The following RIMS2 variants were observed in gnomAD, a reference collection of about 807,000 sequenced individuals.
RIMS2 encodes the protein regulating synaptic membrane exocytosis 2, also known as regulating synaptic membrane exocytosis protein 2.
Under a neutral mutation model 174.4 loss-of-function variants are expected in RIMS2, and 59 were observed. The ratio of observed to expected loss-of-function variants is 0.34; its 90% confidence interval spans 0.27 to 0.42. The LOEUF is 0.42. Ranked by LOEUF, RIMS2 falls within the 10% of genes least tolerant of loss-of-function variation. The pLI is 1.00. For missense variants in RIMS2, 1,620 were observed against 1,666.3 expected (o/e 0.97, Z 0.48); for synonymous variants, 606 against 572.5 (o/e 1.06, Z -0.84).
chr8:103,850,050 A>G (rs1287492220), intron 3 of RIMS2, among the ~76,000 whole-genome samples: 3 of 152,048 alleles, frequency 2.0e-5, no homozygotes, highest in Non-Finnish European at 4.4e-5. Flanking sequence ...ATTCCATACT[A>G]GAAGGAAAAC....
At chr8:104,079,599 A>AT (rs1491533315) in intron 19 of RIMS2, among the ~76,000 whole-genome samples, 5 of 9,122 alleles carry the variant, frequency 5.5e-4, no homozygotes, top group African/African-American at 1.6e-3. Flanking sequence ...ATTAAGCATG[A>AT]TATATATATA....
chr8:104,102,563 A>G (rs950494535), intron 19 of RIMS2, among the ~76,000 whole-genome samples: 8 of 152,220 alleles, frequency 5.3e-5, no homozygotes, highest in Admixed American at 6.5e-5. Flanking sequence ...TCATACTGCT[A>G]TGAAGAAATA....
chr8:103,698,891 A>G lies in RIMS2; in HGVS notation c.387+1595A>G, dbSNP rs148268226. On this transcript the variant is annotated intron_variant, in intron 2 of 23. Coordinates refer to ENST00000504942, the Ensembl canonical transcript of RIMS2. ...ATTGGGATAATGCTGGCCTGATAAA[A>G]TGTGTTGGGAAGTATTTCCTCCTCT... Among the ~76,000 whole-genome samples, 642 of 152,286 alleles carry G rather than the reference A, an allele frequency of 4.2e-3. 4 individuals carry two copies. The highest frequency in any genetic ancestry group is 0.015 in the African/African-American group (612 of 41,564).
chr8:103,996,530 G>A (rs776242575), intron 17 of RIMS2, among the ~76,000 whole-genome samples: 4 of 151,900 alleles, frequency 2.6e-5, no homozygotes, highest in African/African-American at 4.8e-5. Flanking sequence ...TAGAAAGAAT[G>A]TGTTGGAATA....
At chr8:103,585,304 G>T (rs2093848886) in intron 1 of RIMS2, among the ~76,000 whole-genome samples, 1 of 152,178 alleles carries the variant, frequency 6.6e-6, no homozygotes, top group Non-Finnish European at 1.5e-5. Flanking sequence ...GTGTAAATTA[G>T]TTCAAGCATT....
chr8:103,831,694 C>T (rs984048428), intron 3 of RIMS2, among the ~76,000 whole-genome samples: 2 of 152,122 alleles, frequency 1.3e-5, no homozygotes, highest in African/African-American at 4.8e-5. Flanking sequence ...ACATTAATTG[C>T]CATTTTTTTC....
chr8:103,899,009 G>A (rs1275400692), intron 4 of RIMS2, among the ~76,000 whole-genome samples: 2 of 151,368 alleles, frequency 1.3e-5, no homozygotes, highest in African/African-American at 2.4e-5. Flanking sequence ...GCTGAGAATG[G>A]TGGTTTCCAG....
intron 19 of RIMS2, among the ~76,000 whole-genome samples, chr8:104,151,223 T>G (rs1415571751): frequency 6.6e-6 from 1 of 152,180 alleles, no homozygotes; most frequent in Non-Finnish European, 1.5e-5. Flanking sequence ...CTCCCATATT[T>G]CTGACTTGCA....
At chr8:103,935,236 G>A (rs2080981227) in intron 12 of RIMS2, among the ~76,000 whole-genome samples, 1 of 152,110 alleles carries the variant, frequency 6.6e-6, no homozygotes, top group South Asian at 2.1e-4. Context: ...TTCTTTCCAT[G>A]TATAGAGATA....
chr8:103,614,124 C>T (rs1186835865), intron 1 of RIMS2, among the ~76,000 whole-genome samples: 1 of 152,216 alleles, frequency 6.6e-6, no homozygotes, highest in African/African-American at 2.4e-5. Flanking sequence ...AATTGCAGTC[C>T]TTGTGTCCTA....
intron 19 of RIMS2, among the ~76,000 whole-genome samples, chr8:104,230,660 GAAATA>G (rs369415877): frequency 6.6e-6 from 1 of 151,972 alleles, no homozygotes; most frequent in Admixed American, 6.6e-5. Flanking sequence ...AAATAAAAAT[GAAATA>G]AAATAAAATA....
intron 3 of RIMS2, among the ~76,000 whole-genome samples, chr8:103,876,449 A>T (rs113085777): frequency 0.011 from 1,715 of 151,574 alleles, 40 homozygotes; most frequent in African/African-American, 0.039. Context: ...TGATTTTTTT[A>T]AATTTTTTGT....
intron 1 of RIMS2, among the ~76,000 whole-genome samples, chr8:103,692,045 A>G (rs2097032538): frequency 6.6e-6 from 1 of 152,096 alleles, no homozygotes; most frequent in South Asian, 2.1e-4. Context: ...TCCCAAACAA[A>G]TGGAGTCTCT....
intron 4 of RIMS2, among the ~76,000 whole-genome samples, chr8:103,909,859 T>C (rs950907408): frequency 1.1e-4 from 17 of 151,982 alleles, no homozygotes; most frequent in African/African-American, 3.9e-4. Context: ...ATTATTTCTG[T>C]TTATTATTAG....
intron 1 of RIMS2, among the ~76,000 whole-genome samples, chr8:103,626,323 C>G (rs982330087): frequency 5.3e-5 from 8 of 152,098 alleles, no homozygotes; most frequent in African/African-American, 1.9e-4. Context: ...CAATCACTCT[C>G]TACTGCCAGT....
intron 19 of RIMS2, among the ~76,000 whole-genome samples, chr8:104,028,014 T>G (rs2096292498): frequency 2.6e-5 from 4 of 152,090 alleles, no homozygotes; most frequent in Non-Finnish European, 2.9e-5. Flanking sequence ...CACTGCAGCC[T>G]TGACCTCCTG....
chr8:103,692,054 C>G (rs912375349), intron 1 of RIMS2, among the ~76,000 whole-genome samples: 4 of 152,168 alleles, frequency 2.6e-5, no homozygotes, highest in African/African-American at 7.2e-5. Flanking sequence ...AATGGAGTCT[C>G]TGTCTCTCTC....
intron 16 of RIMS2, among the ~76,000 whole-genome samples, chr8:103,979,226 A>G (rs1463347467): frequency 6.6e-6 from 1 of 152,188 alleles, no homozygotes; most frequent in Admixed American, 6.5e-5. Flanking sequence ...TTTACCTTAA[A>G]GGGTATTCAT....
At chr8:104,109,069 GGA>G (rs1566456435) in intron 19 of RIMS2, among the ~76,000 whole-genome samples, 4 of 151,744 alleles carry the variant, frequency 2.6e-5, no homozygotes, top group Non-Finnish European at 4.4e-5. Context: ...AGGCCGAGGC[GGA>G]CAGATCAATA....
Sources: gnomAD v4.1 joint callset for allele counts (sites outside exome capture counted in the v4.1 genomes callset) on GRCh38, gnomAD v4.1.1 for gene constraint, MANE v1.5 for transcripts, NCBI Gene and HGNC (gene_info 2026-07-23, HGNC 2026-07-21) for gene names.